Variants in GRM8 observed in about 807,000 individuals in gnomAD.
The protein encoded by GRM8 is metabotropic glutamate receptor 8.
Under a neutral mutation model 87.2 loss-of-function variants are expected in GRM8, and 47 were observed. The ratio of observed to expected loss-of-function variants is 0.54; its 90% confidence interval spans 0.43 to 0.69. GRM8 has a LOEUF of 0.69. Ranked by LOEUF, GRM8 falls within the 30% of genes least tolerant of loss-of-function variation. The pLI, the probability that GRM8 is intolerant of heterozygous loss-of-function variation, is 0.00. For synonymous variants in GRM8, 396 were observed against 404.5 expected, an observed-to-expected ratio of 0.98 and a Z score of 0.25; for missense variants, 1,019 against 1,139.2, an observed-to-expected ratio of 0.89 and a Z score of 1.52.
intron 7 of GRM8, among the ~76,000 whole-genome samples, chr7:126,638,398 T>G (rs1802061049): frequency 6.6e-6 from 1 of 152,198 alleles, no homozygotes; most frequent in Non-Finnish European, 1.5e-5. Context: ...CAAGATTATG[T>G]GTAAAATGCA....
At position 127,093,311 on chromosome 7, in the gene GRM8, G is replaced by C. The variant is rs896860989; in HGVS notation, c.727+13185C>G. Among the ~76,000 whole-genome samples, 7 of 152,066 alleles carry C rather than the reference G, an allele frequency of 4.6e-5. No individual in the cohort carries two copies. The East Asian group carries it at 1.3e-3, about 29-fold the overall frequency. On this transcript the variant is annotated intron_variant, in intron 3 of 10. Coordinates refer to ENST00000339582, the MANE Select transcript of GRM8 (RefSeq NM_000845.3). ...ATCATATCCCTACCACCTAGAACAAGGCCCCAACACACAGTAGGGGCTCAA... is the reference window on the plus strand; with the variant it reads ...ATCATATCCCTACCACCTAGAACAACGCCCCAACACACAGTAGGGGCTCAA...
At position 126,866,440 on chromosome 7, in the gene GRM8, T is replaced by C. The variant is rs187444066; in HGVS notation, c.1156+36102A>G. Among the ~76,000 whole-genome samples the C allele has an allele frequency of 3.3e-5, 5 of 152,206 alleles. No homozygotes were observed. The East Asian group carries it at 9.6e-4, about 29-fold the overall frequency. ...TTTCAATGTCCCATTTATCTATTTT[T>C]TCCTTTTATTTCTTATGCTTTTTGG... On this transcript the variant is annotated intron_variant, in intron 6 of 10. Transcript: ENST00000339582.
intron 8 of GRM8, among the ~76,000 whole-genome samples, chr7:126,541,616 T>G (rs1474921436): frequency 1.3e-5 from 2 of 152,212 alleles, no homozygotes; most frequent in African/African-American, 2.4e-5. Context: ...TCAATCACGC[T>G]GAGGCTGTTG....
At chr7:127,124,315 A>G (rs560882480) in intron 2 of GRM8, among the ~76,000 whole-genome samples, 1 of 152,292 alleles carries the variant, frequency 6.6e-6, no homozygotes, top group African/African-American at 2.4e-5. Flanking sequence ...TTTTCATGTC[A>G]CAAAATCCAA....
intron 2 of GRM8, among the ~76,000 whole-genome samples, chr7:127,199,257 T>C (rs940313260): frequency 7.9e-5 from 12 of 152,188 alleles, no homozygotes; most frequent in African/African-American, 2.9e-4. Flanking sequence ...CACTGGCACC[T>C]TTCCTAGAAT....
At chr7:126,510,810 A>T (rs922281872) in intron 9 of GRM8, among the ~76,000 whole-genome samples, 6 of 152,126 alleles carry the variant, frequency 3.9e-5, no homozygotes, top group Non-Finnish European at 8.8e-5. Flanking sequence ...TACTCTGCAC[A>T]TATTCCTTCA....
chr7:127,214,211 G>C (rs1294532416), intron 2 of GRM8, among the ~76,000 whole-genome samples: 2 of 152,126 alleles, frequency 1.3e-5, no homozygotes, highest in African/African-American at 4.8e-5. Flanking sequence ...GTTGACCTTG[G>C]AGTAATACTA....
rs1486717846 is a variant in GRM8, at chr7:126,827,814, T to G, written c.1157-57749A>C. Among the ~76,000 whole-genome samples the G allele has an allele frequency of 3.3e-5, 5 of 152,304 alleles. No homozygotes were observed. In the South Asian group the frequency reaches 6.2e-4, roughly 19 times the overall value. ...CAGTTTTCAAAGGGAATTCTTCCAG[T>G]TTTTGCCCATTCAGTATGATATTGG... On this transcript the variant is annotated intron_variant, in intron 6 of 10. Coordinates refer to ENST00000339582, the MANE Select transcript of GRM8 (RefSeq NM_000845.3).
At chr7:126,581,840 G>A (rs1795640449) in intron 8 of GRM8, among the ~76,000 whole-genome samples, 1 of 151,896 alleles carries the variant, frequency 6.6e-6, no homozygotes, top group African/African-American at 2.4e-5. Context: ...AATTGTTTTG[G>A]AGTGCAACAG....
In GRM8 at chr7:126,729,476, T is replaced by G. The variant is rs564547307; in HGVS notation, c.1357+40389A>C. Among the ~76,000 whole-genome samples, 5 of 152,326 alleles carry G rather than the reference T, an allele frequency of 3.3e-5. No homozygotes were observed. In the East Asian group the frequency reaches 7.7e-4, roughly 24 times the overall value. ...AGTCTGCAGCCAAACTAAGACCCAGTTGCCCATATCCTATATGCCGTGTAA... is the reference window on the plus strand; with the variant it reads ...AGTCTGCAGCCAAACTAAGACCCAGGTGCCCATATCCTATATGCCGTGTAA... On this transcript the variant is annotated intron_variant, in intron 7 of 10. Transcript: ENST00000339582.
intron 3 of GRM8, among the ~76,000 whole-genome samples, chr7:127,087,452 A>G (rs1237798701): frequency 6.6e-6 from 1 of 152,270 alleles, no homozygotes; most frequent in Non-Finnish European, 1.5e-5. Flanking sequence ...TTCCAAAAAC[A>G]AAACTCAAAC....
intron 9 of GRM8, among the ~76,000 whole-genome samples, chr7:126,452,676 C>T: frequency 6.6e-6 from 1 of 151,622 alleles, no homozygotes; most frequent in South Asian, 2.1e-4. Flanking sequence ...GGCAGATAAA[C>T]ATAATGCCCT....
chr7:126,600,601 A>G (rs1227650649), intron 8 of GRM8, among the ~76,000 whole-genome samples: 2 of 152,180 alleles, frequency 1.3e-5, no homozygotes, highest in African/African-American at 4.8e-5. Context: ...TGTTCAGTCA[A>G]TATGTAGAAA....
chr7:127,178,038 T>A (rs1431523353), intron 2 of GRM8, among the ~76,000 whole-genome samples: 1 of 152,154 alleles, frequency 6.6e-6, no homozygotes, highest in African/African-American at 2.4e-5. Context: ...AGGAGTTTAG[T>A]TATTAATCTA....
intron 8 of GRM8, among the ~76,000 whole-genome samples, chr7:126,593,876 A>G (rs1585156633): frequency 6.6e-6 from 1 of 152,078 alleles, no homozygotes; most frequent in Non-Finnish European, 1.5e-5. Context: ...TCCAAAATAT[A>G]TGATACTCAA....
Position 126,997,500 on chromosome 7 carries a change from T to A in GRM8, c.728-92817A>T, listed in dbSNP as rs552520992. On this transcript the variant is annotated intron_variant, in intron 3 of 10. Transcript: ENST00000339582. ...AAAGATAAACAAAACCAGAAGTTTG[T>A]TTTTTTTAAAGATAAGCAAAATTGG... Among the ~76,000 whole-genome samples, 343 of 150,314 alleles carry A rather than the reference T, an allele frequency of 2.3e-3. 1 individual carries two copies. The highest frequency in any genetic ancestry group is 7.9e-3 in the African/African-American group (325 of 41,136).
chr7:127,072,650 A>T (rs1376764338), intron 3 of GRM8, among the ~76,000 whole-genome samples: 5 of 114,812 alleles, frequency 4.4e-5, no homozygotes, highest in African/African-American at 1.2e-4. Context: ...TTTTTTTTGC[A>T]GCATCTGGCT....
At chr7:127,098,500 A>G (rs1824895085) in intron 3 of GRM8, among the ~76,000 whole-genome samples, 1 of 152,208 alleles carries the variant, frequency 6.6e-6, no homozygotes, top group Non-Finnish European at 1.5e-5. Flanking sequence ...ACTAAGATAC[A>G]TTAAAAATAT....
At chr7:126,643,944 A>C (rs1169853371) in intron 7 of GRM8, among the ~76,000 whole-genome samples, 1 of 152,260 alleles carries the variant, frequency 6.6e-6, no homozygotes, top group Non-Finnish European at 1.5e-5. Context: ...CTTAGACTGA[A>C]CTTTTGATCA....
Sources: allele counts gnomAD v4.1 joint callset (sites outside exome capture counted in the v4.1 genomes callset), GRCh38; gene constraint gnomAD v4.1.1; transcripts MANE v1.5; gene names NCBI Gene and HGNC (gene_info 2026-07-23, HGNC 2026-07-21).